PIP5K1B: variants seen among roughly 807,000 people sequenced by gnomAD.
PIP5K1B encodes the protein phosphatidylinositol-4-phosphate 5-kinase type 1 beta, also known as phosphatidylinositol 4-phosphate 5-kinase type-1 beta.
Under a neutral mutation model 67.0 loss-of-function variants are expected in PIP5K1B, and 42 were observed. The ratio of observed to expected loss-of-function variants is 0.63; its 90% CI spans 0.49 to 0.81. PIP5K1B has a LOEUF of 0.81. Ranked by LOEUF, PIP5K1B falls within the 30% of genes least tolerant of loss-of-function variation. PIP5K1B has a pLI of 0.00. For missense variants in PIP5K1B, 459 were observed against 646.3 expected (o/e 0.71, Z 3.14); for synonymous variants, 214 against 231.4 (o/e 0.92, Z 0.68).
chr9:68,741,262 C>T (rs1404018711), intron 1 of PIP5K1B, among the ~76,000 whole-genome samples: 3 of 152,000 alleles, frequency 2.0e-5, no homozygotes, highest in Admixed American at 2.0e-4. Context: ...TAACATTATC[C>T]CATGTCATCT....
At chr9:68,825,990 G>T (rs1833957861) in intron 4 of PIP5K1B, among the ~76,000 whole-genome samples, 1 of 152,140 alleles carries the variant, frequency 6.6e-6, no homozygotes, top group Non-Finnish European at 1.5e-5. Context: ...GATTATTGAG[G>T]CTGGCTGCCT....
intron 2 of PIP5K1B, among the ~76,000 whole-genome samples, chr9:68,752,130 G>T (rs1462702587): frequency 1.3e-5 from 2 of 151,878 alleles, no homozygotes; most frequent in Non-Finnish European, 2.9e-5. Flanking sequence ...AAATTTTATG[G>T]TAATAAATTG....
chr9:68,921,079 A>G (rs1826376453), intron 11 of PIP5K1B, among the ~76,000 whole-genome samples: 2 of 152,110 alleles, frequency 1.3e-5, no homozygotes, highest in Non-Finnish European at 2.9e-5. Context: ...ACCTTTCAGC[A>G]TGAAAGATCT....
chr9:68,959,840 C>T (rs531795142), intron 14 of PIP5K1B, among the ~76,000 whole-genome samples: 2 of 152,218 alleles, frequency 1.3e-5, no homozygotes, highest in African/African-American at 4.8e-5. Context: ...GGTTCAGACG[C>T]GTCGGATATT....
At chr9:68,746,397 G>A (rs1004092442) in intron 2 of PIP5K1B, among the ~76,000 whole-genome samples, 3 of 152,072 alleles carry the variant, frequency 2.0e-5, no homozygotes, top group Non-Finnish European at 4.4e-5. Flanking sequence ...CAGAGTTTTG[G>A]AAGTACTGAG....
At chr9:68,725,811 G>T (rs1230975588) in intron 1 of PIP5K1B, among the ~76,000 whole-genome samples, 1 of 152,210 alleles carries the variant, frequency 6.6e-6, no homozygotes, top group Non-Finnish European at 1.5e-5. Context: ...ATTCATGTGA[G>T]AGGGTCCAAA....
At chr9:68,865,440 A>T (rs994317654) in intron 5 of PIP5K1B, among the ~76,000 whole-genome samples, 1 of 152,120 alleles carries the variant, frequency 6.6e-6, no homozygotes, top group Non-Finnish European at 1.5e-5. Flanking sequence ...TTGAGCTCTC[A>T]TGGTCTCCAA....
At chr9:68,922,514 C>T (rs978521968) in intron 11 of PIP5K1B, among the ~76,000 whole-genome samples, 5 of 150,916 alleles carry the variant, frequency 3.3e-5, no homozygotes, top group Non-Finnish European at 5.9e-5. Context: ...CAAAATGAAG[C>T]ATTATAGAAG....
At chr9:68,825,201 G>C (rs1833918221) in intron 4 of PIP5K1B, among the ~76,000 whole-genome samples, 1 of 152,190 alleles carries the variant, frequency 6.6e-6, no homozygotes, top group Non-Finnish European at 1.5e-5. Context: ...CTCATAAAGA[G>C]TATGTTCAAA....
chr9:68,750,597 A>G (rs1445946113), intron 2 of PIP5K1B, among the ~76,000 whole-genome samples: 2 of 152,234 alleles, frequency 1.3e-5, no homozygotes, highest in African/African-American at 4.8e-5. Flanking sequence ...ACGTGCTCCA[A>G]CTGTGACCCA....
At chr9:68,907,032 GA>G (rs1272314364) in intron 8 of PIP5K1B, among the ~76,000 whole-genome samples, 1 of 152,222 alleles carries the variant, frequency 6.6e-6, no homozygotes, top group African/African-American at 2.4e-5. Context: ...GATGTGCGGG[GA>G]AAATGTAGTT....
intron 15 of PIP5K1B, among the ~76,000 whole-genome samples, chr9:69,007,313 C>T (rs1206268820): frequency 6.6e-6 from 1 of 152,146 alleles, no homozygotes; most frequent in Admixed American, 6.6e-5. Flanking sequence ...TGCTGAGCTG[C>T]ACCAGTCTCT....
rs899120027 is a variant in PIP5K1B, at chr9:68,919,685, A to G, written c.1072A>G (p.Met358Val). 3 of 1,552,910 alleles carry G rather than the reference A, an allele frequency of 1.9e-6. No individual in the cohort carries two copies. The highest frequency in any genetic ancestry group is 1.4e-5 in the African/African-American group (1 of 73,808). Reference protein sequence around the residue: ...IIDILQSYRLMKKLEHSWKAL... With the variant: ...IIDILQSYRLVKKLEHSWKAL... ...AATTTTTCCATTTATATTTAGGTTAATGAAGAAGTTAGAACATTCCTGGAA... is the reference window on the plus strand; with the variant it reads ...AATTTTTCCATTTATATTTAGGTTAGTGAAGAAGTTAGAACATTCCTGGAA... Residue 358 changes from methionine (M) to valine (V), a missense_variant, in exon 11 of 16, where the codon ATG (methionine) becomes GTG (valine). Around this residue, in one of 2 missense-constraint regions of PIP5K1B, gnomAD observed 290 missense variants for 474.4 expected, o/e 0.61. Transcript: ENST00000265382.
intron 8 of PIP5K1B, among the ~76,000 whole-genome samples, chr9:68,904,951 G>A (rs1825536477): frequency 6.6e-6 from 1 of 151,996 alleles, no homozygotes; most frequent in South Asian, 2.1e-4. Flanking sequence ...TGTCTAGCAA[G>A]TTTTCATTTT....
chr9:68,891,119 G>T (rs191483783), intron 7 of PIP5K1B, among the ~76,000 whole-genome samples: 1 of 152,164 alleles, frequency 6.6e-6, no homozygotes, highest in Admixed American at 6.5e-5. Context: ...ATGGTGGCAC[G>T]CACCTGTGGT....
At chr9:68,890,264 G>A (rs185328944) in intron 7 of PIP5K1B, among the ~76,000 whole-genome samples, 39 of 152,204 alleles carry the variant, frequency 2.6e-4, no homozygotes, top group Admixed American at 1.0e-3. Flanking sequence ...TAGCCTAGAC[G>A]GATTTACTAC....
At chr9:68,915,860 A>G (rs796262156) in intron 8 of PIP5K1B, among the ~76,000 whole-genome samples, 3 of 152,352 alleles carry the variant, frequency 2.0e-5, no homozygotes, top group African/African-American at 7.2e-5. Context: ...ATTGATGGCA[A>G]AGATGCCTGT....
chr9:68,975,132 G>A (rs1389460889), intron 14 of PIP5K1B, among the ~76,000 whole-genome samples: 2 of 152,216 alleles, frequency 1.3e-5, no homozygotes, highest in Admixed American at 6.5e-5. Context: ...GCAGTGGCAC[G>A]ATCACAGCTC....
intron 14 of PIP5K1B, among the ~76,000 whole-genome samples, chr9:68,961,567 G>A (rs552614582): frequency 1.0e-3 from 156 of 152,270 alleles, no homozygotes; most frequent in African/African-American, 3.4e-3. Context: ...CGATTTGGCT[G>A]GGCTGTGTAG....
Sources: gnomAD v4.1 joint callset for allele counts (sites outside exome capture counted in the v4.1 genomes callset) on GRCh38, gnomAD v4.1.1 for gene constraint, gnomAD v4.1.1 regional missense constraint, MANE v1.5 for transcripts, NCBI Gene and HGNC (gene_info 2026-07-23, HGNC 2026-07-21) for gene names.